Variants in TNR observed in about 807,000 individuals in gnomAD.
The protein encoded by TNR is tenascin R.
TNR carries 45 observed loss-of-function variants against 150.4 expected under a neutral mutation model. That is an observed-to-expected ratio of 0.30 (90% confidence interval 0.24 to 0.38). The LOEUF (loss-of-function observed/expected upper bound fraction) is 0.38. TNR is among the 10% of genes least tolerant of loss of function. TNR has a pLI of 1.00. For missense variants in TNR, 1,544 were observed against 1,759.1 expected, an observed-to-expected ratio of 0.88 and a Z score of 2.19; for synonymous variants, 687 against 678.4, an observed-to-expected ratio of 1.01 and a Z score of -0.20.
intron 10 of TNR, among the ~76,000 whole-genome samples, chr1:175,366,683 C>T (rs907614828): frequency 3.3e-5 from 5 of 152,240 alleles, no homozygotes. Context: ...CTGCTAGTAC[C>T]ATAGGTGCTG....
chr1:175,365,915 A>T lies in TNR; in HGVS notation c.2277T>A (p.Gly759=), dbSNP rs1387779042. The T allele has an allele frequency of 1.9e-6, 3 of 1,613,692 alleles. No homozygotes were observed. The highest frequency in any genetic ancestry group is 3.3e-5 in the Admixed American group (2 of 59,970). Residue 759 remains glycine, a synonymous_variant, in exon 11 of 23, where the codon GGT becomes GGA. Coordinates refer to ENST00000367674, the MANE Select transcript of TNR (RefSeq NM_003285.3). ...CAGTGGACTCCAAGCTCTGCTGCCG[A>T]CCCCTCTCAGCAGTGACGGAAATGA... is the stretch of plus-strand genomic sequence containing the variant. ...EYIISVTAER[G]RQQSLESTVD...
intron 2 of TNR, among the ~76,000 whole-genome samples, chr1:175,434,766 T>C (rs909433872): frequency 6.6e-6 from 1 of 152,200 alleles, no homozygotes; most frequent in Non-Finnish European, 1.5e-5. Context: ...GCATGGAGTT[T>C]CTGAATTCTC....
At chr1:175,445,417 A>G (rs1656005753) in intron 2 of TNR, among the ~76,000 whole-genome samples, 2 of 152,236 alleles carry the variant, frequency 1.3e-5, no homozygotes, top group South Asian at 2.1e-4. Context: ...GATTTTGAGC[A>G]GAAGTTTTAA....
intron 2 of TNR, among the ~76,000 whole-genome samples, chr1:175,517,258 G>C (rs1055547622): frequency 6.6e-6 from 1 of 152,102 alleles, no homozygotes; most frequent in East Asian, 1.9e-4. Flanking sequence ...AAAAAAATAG[G>C]GGCCTGTGGC....
In TNR at chr1:175,315,812, ATGTGTGTGTGTGTG is replaced by A. The variant is rs3030866; in HGVS notation, c.*7531_*7544del. On this transcript the variant is annotated 3_prime_UTR_variant, in exon 23 of 23. Transcript: ENST00000367674. ...TGTGTGCATGCATGTGTGTGTGTGC[ATGTGTGTGTGTGTG>A]TGTGTGTGTGTGTGTGTGTGAATGA... is the stretch of plus-strand genomic sequence containing the variant. 2,965 of 146,964 alleles carry A rather than the reference ATGTGTGTGTGTGTG, an allele frequency of 0.02. 81 individuals carry two copies. The highest frequency in any genetic ancestry group is 0.068 in the African/African-American group (2,711 of 39,872). The allele number at this position is 146,964 out of a possible 1,614,324, so 9.1% of individuals were successfully genotyped here. A position where few individuals can be genotyped will look rare whatever the true frequency, so the allele number is the denominator to read the frequency against.
chr1:175,691,219 G>T lies in TNR; in HGVS notation c.-165+52007C>A, dbSNP rs557793402. On this transcript the variant is annotated intron_variant, in intron 1 of 22. Transcript: ENST00000367674. ...GGCTCTGCAGAGCAGGATGGGAAACGCAGGCCACAGGTAGGAAGAAAACCT... is the reference window on the plus strand; with the variant it reads ...GGCTCTGCAGAGCAGGATGGGAAACTCAGGCCACAGGTAGGAAGAAAACCT... 1.0e-4 allele frequency among the ~76,000 whole-genome samples: 7 copies of T among 68,254 alleles called. No homozygotes were observed. The South Asian group carries it at 2.3e-3, about 22-fold the overall frequency. The allele number at this position is 68,254 out of a possible 152,430, so 44.8% of individuals were successfully genotyped here.
intron 1 of TNR, among the ~76,000 whole-genome samples, chr1:175,704,483 A>G (rs1043524942): frequency 7.9e-5 from 12 of 152,306 alleles, no homozygotes; most frequent in African/African-American, 2.9e-4. Context: ...AAAATTAGGT[A>G]GATATTCTGT....
intron 2 of TNR, among the ~76,000 whole-genome samples, chr1:175,524,080 C>T (rs1357834500): frequency 6.6e-6 from 1 of 152,104 alleles, no homozygotes; most frequent in Non-Finnish European, 1.5e-5. Context: ...CCCCCTCCCC[C>T]AAGACAGGGC....
chr1:175,438,746 C>A (rs906545747), intron 2 of TNR, among the ~76,000 whole-genome samples: 2 of 151,876 alleles, frequency 1.3e-5, no homozygotes, highest in African/African-American at 4.8e-5. Flanking sequence ...AGACAGAGAG[C>A]CAAATCATGA....
At chr1:175,387,593 G>T (rs1218533019) in intron 7 of TNR, among the ~76,000 whole-genome samples, 3 of 152,376 alleles carry the variant, frequency 2.0e-5, no homozygotes, top group Middle Eastern at 3.4e-3. Flanking sequence ...CAAGTCTTTT[G>T]TGAGGCCCAG....
At chr1:175,567,234 A>G (rs573850554) in intron 1 of TNR, among the ~76,000 whole-genome samples, 18 of 152,170 alleles carry the variant, frequency 1.2e-4, no homozygotes, top group Non-Finnish European at 2.1e-4. Flanking sequence ...TCCTATGAGA[A>G]AAGAAGAGCC....
chr1:175,586,753 C>T (rs1307806275), intron 1 of TNR, among the ~76,000 whole-genome samples: 2 of 152,140 alleles, frequency 1.3e-5, no homozygotes, highest in Non-Finnish European at 2.9e-5. Flanking sequence ...AGTCACAGAG[C>T]CACTGGATAT....
rs184870658 is a variant in TNR, at chr1:175,439,725, G to A, written c.-63-32948C>T. Reference sequence around the variant, plus strand: ...AGAAAGTGGGCGAAGGATATGAACAGACACTTCTCAAAAGAAGACATTTAT... The same window carrying A: ...AGAAAGTGGGCGAAGGATATGAACAAACACTTCTCAAAAGAAGACATTTAT... On this transcript the variant is annotated intron_variant, in intron 2 of 22. Transcript: ENST00000367674. 4.7e-3 allele frequency among the ~76,000 whole-genome samples: 722 copies of A among 152,294 alleles called. 4 individuals carry two copies. Among genetic ancestry groups the A allele is most frequent in the Non-Finnish European group, 5.9e-3 (403 of 68,028 alleles).
intron 1 of TNR, among the ~76,000 whole-genome samples, chr1:175,530,808 A>G (rs1422617453): frequency 1.3e-5 from 2 of 151,840 alleles, no homozygotes; most frequent in Non-Finnish European, 2.9e-5. Context: ...TGTTGGCAGC[A>G]TGGAGTACAT....
chr1:175,546,534 C>T (rs1226860966), intron 1 of TNR, among the ~76,000 whole-genome samples: 1 of 152,160 alleles, frequency 6.6e-6, no homozygotes, highest in African/African-American at 2.4e-5. Context: ...GGCAGGGAGG[C>T]CACGAGGGCA....
chr1:175,395,380 T>C (rs1200243493), intron 5 of TNR, among the ~76,000 whole-genome samples: 1 of 152,212 alleles, frequency 6.6e-6, no homozygotes, highest in African/African-American at 2.4e-5. Context: ...TCTTACCCCT[T>C]ATCTGGTGGT....
chr1:175,473,363 C>T (rs1305771155), intron 2 of TNR, among the ~76,000 whole-genome samples: 1 of 152,162 alleles, frequency 6.6e-6, no homozygotes, highest in South Asian at 2.1e-4. Context: ...GAGATGCTCT[C>T]GGACATCATC....
chr1:175,609,157 T>C (rs372807486), intron 1 of TNR, among the ~76,000 whole-genome samples: 1 of 152,150 alleles, frequency 6.6e-6, no homozygotes, highest in Non-Finnish European at 1.5e-5. Flanking sequence ...AAATACTGGA[T>C]GCACAAATAC....
chr1:175,365,264 G>C lies in TNR; in HGVS notation c.2333C>G (p.Ser778Cys), dbSNP rs1311851968. The change falls in exon 12 of 23, where the codon TCT becomes TGT. Residue 778 changes from serine (S) to cysteine (C), a missense_variant. By Grantham distance (112) the Ser-to-Cys change is moderately radical. Around this residue, in one of 2 missense-constraint regions of TNR, gnomAD observed 1,254 missense variants for 1,329.4 expected, o/e 0.94. Transcript: ENST00000367674. ...VDAFTGFRPISHLHFSHVTSS... is the reference protein window; with the variant it reads ...VDAFTGFRPICHLHFSHVTSS... ...GGTCACATGAGAAAAGTGCAGATGA[G>C]AGATGGGACGGAAGCCTGCAAAGCA... is the stretch of plus-strand genomic sequence containing the variant. The C allele has an allele frequency of 3.1e-6, 5 of 1,608,756 alleles. No individual in the cohort carries two copies. In the South Asian group the frequency reaches 4.4e-5, roughly 14 times the overall value.
Sources: gnomAD v4.1 joint callset for allele counts (sites outside exome capture counted in the v4.1 genomes callset) on GRCh38, gnomAD v4.1.1 for gene constraint, gnomAD v4.1.1 regional missense constraint, MANE v1.5 for transcripts, NCBI Gene and HGNC (gene_info 2026-07-23, HGNC 2026-07-21) for gene names.